Variants in TMEM132E observed in about 807,000 individuals in gnomAD.
TMEM132E encodes transmembrane protein 132E.
A neutral mutation model predicts 78.5 loss-of-function variants in TMEM132E; 49 were observed. The observed-to-expected ratio is 0.62, with a 90% CI of 0.50 to 0.79. The LOEUF is 0.79. Among genes scored for constraint, TMEM132E ranks in the 30% least tolerant of loss-of-function variants. The pLI, the probability that TMEM132E is intolerant of heterozygous loss-of-function variation, is 0.00. For synonymous variants in TMEM132E, 715 were observed against 670.6 expected, an observed-to-expected ratio of 1.07 and a Z score of -1.02; for missense variants, 1,403 against 1,470.9, an observed-to-expected ratio of 0.95 and a Z score of 0.75.
chr17:34,620,829 G>A (rs1597687642), intron 1 of TMEM132E, among the ~76,000 whole-genome samples: 2 of 152,198 alleles, frequency 1.3e-5, no homozygotes, highest in East Asian at 3.9e-4. Flanking sequence ...GGGCATGGAA[G>A]GATGAGGGGG....
chr17:34,635,932 C>A, intron 7 of TMEM132E, 75 bp from the exon 8 acceptor site: 1 of 1,299,788 alleles, frequency 7.7e-7, no homozygotes, highest in Non-Finnish European at 9.9e-7. Flanking sequence ...GCTGGGATTT[C>A]TCCCTAGCTG....
intron 1 of TMEM132E, 29 bp from the exon 2 acceptor site, chr17:34,626,098 C>T (rs757261559): frequency 6.8e-7 from 1 of 1,477,026 alleles, no homozygotes; most frequent in Non-Finnish European, 9.0e-7. Flanking sequence ...CCTGACCACC[C>T]TGGGCCTCTT....
intron 1 of TMEM132E, among the ~76,000 whole-genome samples, chr17:34,588,937 A>G (rs1905768717): frequency 6.6e-6 from 1 of 152,124 alleles, no homozygotes; most frequent in Non-Finnish European, 1.5e-5. Flanking sequence ...TGTTTTTGGT[A>G]GAGATGGGGT....
chr17:34,628,118 T>C (rs571570151), intron 2 of TMEM132E, among the ~76,000 whole-genome samples: 16 of 152,352 alleles, frequency 1.1e-4, no homozygotes, highest in African/African-American at 3.8e-4. Flanking sequence ...GAACACCTAC[T>C]CACCTCGCCA....
intron 8 of TMEM132E, among the ~76,000 whole-genome samples, chr17:34,636,663 C>G (rs2142088236): frequency 6.6e-6 from 1 of 152,282 alleles, no homozygotes; most frequent in East Asian, 1.9e-4. Flanking sequence ...CTGTCCCTAA[C>G]TCACTCCATC....
chr17:34,614,454 G>A (rs931308650), intron 1 of TMEM132E: 2 of 152,206 alleles, frequency 1.3e-5, no homozygotes, highest in Non-Finnish European at 2.9e-5. Context: ...AGAAATAAAA[G>A]AGCTGTTCCC....
intron 1 of TMEM132E, among the ~76,000 whole-genome samples, chr17:34,592,561 TCCTCATCCACTCC>T (rs1905909587): frequency 1.3e-5 from 2 of 152,212 alleles, no homozygotes; most frequent in Non-Finnish European, 2.9e-5. Flanking sequence ...AGCAGGAGCC[TCCTCATCCACTCC>T]TAGCAGGATG....
rs768315237 is a variant in TMEM132E at position 34,632,834 on chromosome 17, C to T, written c.1613C>T (p.Pro538Leu). ...LEMTVWVPKL[P>L]LHIELSDARL... is the part of the protein sequence containing the mutation. ...ATGACAGTCTGGGTCCCCAAGCTGC[C>T]CTTGCACATTGAGCTCTCAGATGCC... is the stretch of plus-strand genomic sequence containing the variant. Residue 538 changes from proline to leucine, a missense_variant, in exon 6 of 9, where the codon CCC becomes CTC. Pro to Leu is a moderately conservative substitution (Grantham distance 98). This residue lies in a region of TMEM132E where 888 missense variants were observed against 952.8 expected (regional missense o/e 0.93). Coordinates refer to ENST00000631683, the MANE Select transcript of TMEM132E (RefSeq NM_001304438.2). 6.2e-7 allele frequency: 1 copy of T among 1,614,196 alleles called. No individual in the cohort carries two copies. Among genetic ancestry groups the T allele is most frequent in the Non-Finnish European group, 8.5e-7 (1 of 1,180,046 alleles).
At chr17:34,597,262 G>A (rs1906091945) in intron 1 of TMEM132E, among the ~76,000 whole-genome samples, 1 of 152,126 alleles carries the variant, frequency 6.6e-6, no homozygotes, top group African/African-American at 2.4e-5. Context: ...CCCAGTAGAG[G>A]CTGTGCCTGC....
intron 1 of TMEM132E, among the ~76,000 whole-genome samples, chr17:34,604,150 G>A (rs570274169): frequency 6.6e-6 from 1 of 152,318 alleles, no homozygotes; most frequent in Admixed American, 6.5e-5. Flanking sequence ...CAGGCTCAGA[G>A]AAGGCAGTAA....
chr17:34,592,320 C>G (rs536727197), intron 1 of TMEM132E, among the ~76,000 whole-genome samples: 1 of 152,306 alleles, frequency 6.6e-6, no homozygotes, highest in South Asian at 2.1e-4. Context: ...GCAGCCGGCC[C>G]CCATCACAAT....
intron 1 of TMEM132E, among the ~76,000 whole-genome samples, chr17:34,584,039 C>G (rs1905582711): frequency 6.6e-6 from 1 of 152,164 alleles, no homozygotes; most frequent in Non-Finnish European, 1.5e-5. Flanking sequence ...TAGGGGTCAG[C>G]GTGGTGGATA....
At chr17:34,597,311 G>A (rs1378369342) in intron 1 of TMEM132E, among the ~76,000 whole-genome samples, 1 of 151,762 alleles carries the variant, frequency 6.6e-6, no homozygotes, top group Non-Finnish European at 1.5e-5. Flanking sequence ...GGCTCCAGGG[G>A]CACTCAGAAG....
chr17:34,599,955 C>T (rs1906179984), intron 1 of TMEM132E, among the ~76,000 whole-genome samples: 1 of 152,056 alleles, frequency 6.6e-6, no homozygotes, highest in African/African-American at 2.4e-5. Context: ...AGGGCAGATC[C>T]CCTGATGCTG....
At chr17:34,633,173 T>C (rs1180649870) in intron 6 of TMEM132E, among the ~76,000 whole-genome samples, 1 of 152,182 alleles carries the variant, frequency 6.6e-6, no homozygotes, top group African/African-American at 2.4e-5. Flanking sequence ...CCACAGAACA[T>C]GGTGGTGGGT....
intron 1 of TMEM132E, among the ~76,000 whole-genome samples, chr17:34,612,387 C>T (rs1054297551): frequency 1.3e-5 from 2 of 152,176 alleles, no homozygotes; most frequent in Admixed American, 6.5e-5. Flanking sequence ...TTGCTTCACT[C>T]TCCTCCCCAA....
intron 1 of TMEM132E, among the ~76,000 whole-genome samples, chr17:34,618,446 G>C (rs375193594): frequency 6.7e-6 from 1 of 148,820 alleles, no homozygotes; most frequent in African/African-American, 2.5e-5. Flanking sequence ...TGTCCAAGCT[G>C]GTCTCAAACT....
At chr17:34,604,086 C>T (rs1906330214) in intron 1 of TMEM132E, among the ~76,000 whole-genome samples, 2 of 152,172 alleles carry the variant, frequency 1.3e-5, no homozygotes, top group African/African-American at 2.4e-5. Context: ...GGGCATTGTT[C>T]TAAGGGCTTT....
At chr17:34,607,919 C>A (rs57166676) in intron 1 of TMEM132E, among the ~76,000 whole-genome samples, 227 of 152,278 alleles carry the variant, frequency 1.5e-3, no homozygotes, top group African/African-American at 5.2e-3. Flanking sequence ...GTTCACCAAC[C>A]TGGGAGACCT....
Sources: allele counts gnomAD v4.1 joint callset (sites outside exome capture counted in the v4.1 genomes callset), GRCh38; gene constraint gnomAD v4.1.1; regional missense constraint gnomAD v4.1.1; transcripts MANE v1.5; gene names NCBI Gene and HGNC (gene_info 2026-07-23, HGNC 2026-07-21).